The following GFPT1 variants were observed in gnomAD, a reference collection of about 807,000 sequenced individuals.
GFPT1 encodes glutamine--fructose-6-phosphate aminotransferase [isomerizing] 1.
GFPT1 carries 40 observed loss-of-function variants against 92.0 expected under a neutral mutation model. That is an observed-to-expected ratio of 0.43 (90% CI 0.34 to 0.57). The LOEUF is 0.57. Among genes scored for constraint, GFPT1 ranks in the 20% least tolerant of loss-of-function variants. The probability of loss-of-function intolerance (pLI) is 0.02; values close to 1 mark genes in which losing one functional copy is unlikely to be tolerated. For synonymous variants in GFPT1, 269 were observed against 280.6 expected, an observed-to-expected ratio of 0.96 and a Z score of 0.41; for missense variants, 448 against 869.1, an observed-to-expected ratio of 0.52 and a Z score of 6.09.
At chr2:69,383,709 T>TC (rs1448105455) in intron 1 of GFPT1, among the ~76,000 whole-genome samples, 1 of 152,170 alleles carries the variant, frequency 6.6e-6, no homozygotes. Context: ...CACTGCAACC[T>TC]CCACCTCCTG....
chr2:69,325,880 C>T lies in GFPT1; in HGVS notation c.*309G>A, dbSNP rs1422428215. On this transcript the variant is annotated 3_prime_UTR_variant, in exon 20 of 20. Coordinates refer to ENST00000357308, the MANE Select transcript of GFPT1 (RefSeq NM_001244710.2). Reference sequence around the variant, plus strand: ...CCAATTTTTAGAAACATATTGTCTTCTCAGATTGAAGTGGAGGGTCCAGAA... The same window carrying T: ...CCAATTTTTAGAAACATATTGTCTTTTCAGATTGAAGTGGAGGGTCCAGAA... 2 of 282,584 alleles carry T rather than the reference C, an allele frequency of 7.1e-6. No individual in the cohort carries two copies. The highest frequency in any genetic ancestry group is 1.3e-5 in the Non-Finnish European group (2 of 150,776). 17.5% of individuals were successfully genotyped at this position (282,584 alleles called of 1,614,324 possible).
chr2:69,365,966 C>T (rs1025185159), intron 3 of GFPT1, among the ~76,000 whole-genome samples: 1 of 152,142 alleles, frequency 6.6e-6, no homozygotes, highest in Non-Finnish European at 1.5e-5. Flanking sequence ...GCACGCACCA[C>T]CACGCCTGGC....
In GFPT1 at chr2:69,387,159, GCT is replaced by G; in HGVS notation, c.-90_-89del. Reference sequence around the variant, plus strand: ...ACGAGCTTCGGTGGGCAATCTGCGGGCTCGGGGGCCGGGGTGGCGCCGACACG... The same window carrying G: ...ACGAGCTTCGGTGGGCAATCTGCGGGCGGGGGCCGGGGTGGCGCCGACACG... On this transcript the variant is annotated 5_prime_UTR_variant, in exon 1 of 20. Transcript: ENST00000357308. 1 of 1,432,920 alleles carries G rather than the reference GCT, an allele frequency of 7.0e-7. No individual in the cohort carries two copies. Among genetic ancestry groups the G allele is most frequent in the Non-Finnish European group, 9.2e-7 (1 of 1,082,610 alleles). 88.8% of individuals were successfully genotyped at this position (1,432,920 alleles called of 1,614,324 possible).
chr2:69,355,393 G>GGT (rs1553390895), intron 7 of GFPT1, among the ~76,000 whole-genome samples: 6 of 119,834 alleles, frequency 5.0e-5, no homozygotes, highest in Admixed American at 8.0e-5. Context: ...CAGGTTTTTG[G>GGT]TTTTTTTTTA....
At chr2:69,365,467 G>A (rs1183677437) in intron 3 of GFPT1, among the ~76,000 whole-genome samples, 1 of 152,168 alleles carries the variant, frequency 6.6e-6, no homozygotes, top group Non-Finnish European at 1.5e-5. Flanking sequence ...GCAAGACTCC[G>A]TCTCAAAAAT....
chr2:69,358,922 T>C (rs1290972021), intron 5 of GFPT1, among the ~76,000 whole-genome samples: 1 of 152,188 alleles, frequency 6.6e-6, no homozygotes, highest in Non-Finnish European at 1.5e-5. Flanking sequence ...CATAAAACTT[T>C]CATTTAATTT....
Position 69,329,795 on chromosome 2 carries a change from A to G in GFPT1, c.1486T>C (p.Tyr496His). The G allele has an allele frequency of 6.5e-7, 1 of 1,545,076 alleles. No homozygotes were observed. Among genetic ancestry groups the G allele is most frequent in the Non-Finnish European group, 9.0e-7 (1 of 1,116,800 alleles). ...PEIGVASTKA[Y>H]TSQFVSLVMF... Reference sequence around the variant, plus strand: ...ACAAGGGATACAAACTGGCTGGTATAAGCCTGAAACATCACAAAAAAGCAG... The same window carrying G: ...ACAAGGGATACAAACTGGCTGGTATGAGCCTGAAACATCACAAAAAAGCAG... The change falls in exon 16 of 20, where the codon TAT (tyrosine) becomes CAT (histidine). Residue 496 changes from tyrosine to histidine, a missense_variant. Physicochemically the swap from Tyr to His is moderately conservative, Grantham distance 83. Around this residue, in one of 7 missense-constraint regions of GFPT1, gnomAD observed 121 missense variants for 304.3 expected, o/e 0.40. Coordinates refer to ENST00000357308, the MANE Select transcript of GFPT1 (RefSeq NM_001244710.2).
At chr2:69,386,086 T>A (rs1039262186) in intron 1 of GFPT1, among the ~76,000 whole-genome samples, 1 of 148,990 alleles carries the variant, frequency 6.7e-6, no homozygotes, top group Non-Finnish European at 1.5e-5. Flanking sequence ...TAAATTTCAA[T>A]AAGAAAGGTA....
chr2:69,363,798 A>G (rs1558766698), intron 3 of GFPT1, 128 bp from the exon 4 acceptor site: 3 of 744,322 alleles, frequency 4.0e-6, no homozygotes, highest in Non-Finnish European at 6.8e-6. Context: ...ACTAAAGATC[A>G]GGCATATTCA....
At chr2:69,329,926 AC>A in intron 15 of GFPT1, 128 bp from the exon 16 acceptor site, 1 of 709,996 alleles carries the variant, frequency 1.4e-6, no homozygotes, top group Non-Finnish European at 2.6e-6. Context: ...ATCTCTTAAA[AC>A]TACGTTAGGG....
intron 3 of GFPT1, among the ~76,000 whole-genome samples, chr2:69,366,276 G>A (rs1368297457): frequency 6.6e-6 from 1 of 152,048 alleles, no homozygotes; most frequent in African/African-American, 2.4e-5. Context: ...GAACATTACC[G>A]AATGTCTAGT....
rs755887582 is a variant in GFPT1, at chr2:69,348,060, T to C, written c.1009+111A>G. On this transcript the variant is annotated intron_variant, in intron 11 of 19. Coordinates refer to ENST00000357308, the MANE Select transcript of GFPT1 (RefSeq NM_001244710.2). ...CCTAGCGTTGTCCCTTCACTAATCA[T>C]GTGGAAGATTCCACTCATCATTCAT... The C allele has an allele frequency of 5.7e-6, 5 of 875,204 alleles. No individual in the cohort carries two copies. The South Asian group carries it at 6.6e-5, about 12-fold the overall frequency. 54.2% of individuals were successfully genotyped at this position (875,204 alleles called of 1,614,324 possible). A position where few individuals can be genotyped will look rare whatever the true frequency, so the allele number is the denominator to read the frequency against.
In GFPT1 at chr2:69,376,636, C is replaced by T. The variant is rs563839012; in HGVS notation, c.8-2523G>A. Among the ~76,000 whole-genome samples, 4 of 152,284 alleles carry T rather than the reference C, an allele frequency of 2.6e-5. No homozygotes were observed. In the East Asian group the frequency reaches 7.7e-4, roughly 29 times the overall value. On this transcript the variant is annotated intron_variant, in intron 1 of 19. Coordinates refer to ENST00000357308, the MANE Select transcript of GFPT1 (RefSeq NM_001244710.2). ...AATCTAGCTTATTTGAAAACAGAAGCCTGTCGAGGATTGTTTGCAGATTGT... is the reference window on the plus strand; with the variant it reads ...AATCTAGCTTATTTGAAAACAGAAGTCTGTCGAGGATTGTTTGCAGATTGT...
chr2:69,328,123 G>T, intron 18 of GFPT1, 148 bp downstream of exon 18: 7 of 519,138 alleles, frequency 1.3e-5, no homozygotes, highest in Non-Finnish European at 1.8e-5. Context: ...AAACTCTTAA[G>T]TATCTGATTC....
chr2:69,343,413 CCT>C (rs1023708073), intron 12 of GFPT1, among the ~76,000 whole-genome samples: 6 of 150,824 alleles, frequency 4.0e-5, no homozygotes, highest in African/African-American at 1.2e-4. Context: ...CATCTCCTCA[CCT>C]TTTTTTTTTT....
At chr2:69,330,270 T>C (rs1670628946) in intron 15 of GFPT1, among the ~76,000 whole-genome samples, 1 of 152,178 alleles carries the variant, frequency 6.6e-6, no homozygotes, top group Admixed American at 6.5e-5. Context: ...CTATCACTAT[T>C]CTCCTTTTCT....
Position 69,363,600 on chromosome 2 carries a change from T to A in GFPT1, c.294A>T (p.Thr98=). 1 of 1,613,046 alleles carries A rather than the reference T, an allele frequency of 6.2e-7. No homozygotes were observed. The highest frequency in any genetic ancestry group is 8.5e-7 in the Non-Finnish European group (1 of 1,178,944). Residue 98 remains threonine (T), a synonymous_variant, in exon 4 of 20, where the codon ACA becomes ACT. Transcript: ENST00000357308. ...HLGIAHTRWA[T]HGEPSPVNSH... Reference sequence around the variant, plus strand: ...TATTGACAGGACTGGGTTCTCCATGTGTTGCCCAACGGGTATGAGCTATTC... The same window carrying A: ...TATTGACAGGACTGGGTTCTCCATGAGTTGCCCAACGGGTATGAGCTATTC...
chr2:69,346,705 T>TAG (rs201266742), intron 11 of GFPT1, among the ~76,000 whole-genome samples: 2 of 152,144 alleles, frequency 1.3e-5, no homozygotes, highest in African/African-American at 4.8e-5. Context: ...TATATATATA[T>TAG]AGAGTTATGC....
At chr2:69,331,583 G>T (rs757016181) in intron 15 of GFPT1, among the ~76,000 whole-genome samples, 14 of 151,866 alleles carry the variant, frequency 9.2e-5, no homozygotes, top group Non-Finnish European at 1.5e-4. Context: ...TGTAACAAGG[G>T]TTTTAATATA....
Sources: allele counts gnomAD v4.1 joint callset (sites outside exome capture counted in the v4.1 genomes callset), GRCh38; gene constraint gnomAD v4.1.1; regional missense constraint gnomAD v4.1.1; transcripts MANE v1.5; gene names NCBI Gene and HGNC (gene_info 2026-07-23, HGNC 2026-07-21).